Variants in SYT14 observed in about 807,000 individuals in gnomAD.
SYT14 encodes the protein synaptotagmin-14.
A neutral mutation model predicts 74.2 loss-of-function variants in SYT14; 32 were observed. The observed-to-expected ratio is 0.43, with a 90% CI of 0.33 to 0.58. The LOEUF is 0.58. Among genes scored for constraint, SYT14 ranks in the 20% least tolerant of loss-of-function variants. SYT14 has a pLI of 0.05. For synonymous variants in SYT14, 298 were observed against 337.7 expected, an observed-to-expected ratio of 0.88 and a Z score of 1.29; for missense variants, 791 against 981.8, an observed-to-expected ratio of 0.81 and a Z score of 2.60.
At chr1:209,966,228 A>G (rs1477411804) in intron 2 of SYT14, among the ~76,000 whole-genome samples, 1 of 152,112 alleles carries the variant, frequency 6.6e-6, no homozygotes, top group Non-Finnish European at 1.5e-5. Flanking sequence ...GCCAATACCA[A>G]AGTGTCTTTA....
chr1:209,942,902 A>G (rs1012688454), intron 1 of SYT14, among the ~76,000 whole-genome samples: 55 of 152,220 alleles, frequency 3.6e-4, no homozygotes, highest in African/African-American at 1.3e-3. Flanking sequence ...GTGAGAATCT[A>G]TGTGTGTGTT....
chr1:210,071,653 T>G (rs1006671096), intron 5 of SYT14, among the ~76,000 whole-genome samples: 3 of 152,024 alleles, frequency 2.0e-5, no homozygotes, highest in Admixed American at 1.3e-4. Flanking sequence ...ATTCCTGATT[T>G]TTTAAAAAGA....
intron 7 of SYT14, among the ~76,000 whole-genome samples, chr1:210,145,236 A>C (rs956272265): frequency 1.3e-5 from 2 of 152,208 alleles, no homozygotes; most frequent in Non-Finnish European, 2.9e-5. Context: ...CAAAGCAAGT[A>C]TTATCTCAAG....
intron 5 of SYT14, among the ~76,000 whole-genome samples, chr1:210,057,827 C>T (rs989993592): frequency 6.6e-6 from 1 of 152,160 alleles, no homozygotes; most frequent in African/African-American, 2.4e-5. Context: ...ACTCCTACTT[C>T]CCCATAGCCT....
intron 2 of SYT14, among the ~76,000 whole-genome samples, chr1:209,981,477 G>C (rs1273094016): frequency 1.6e-5 from 2 of 127,464 alleles, no homozygotes; most frequent in Non-Finnish European, 3.2e-5. Context: ...TTTGAGGCAG[G>C]ATCTCACTCT....
chr1:209,944,074 A>G (rs191475340), intron 1 of SYT14, among the ~76,000 whole-genome samples: 1 of 152,310 alleles, frequency 6.6e-6, no homozygotes, highest in East Asian at 1.9e-4. Context: ...TATTCAAGAT[A>G]TTATTTTGAG....
chr1:210,138,176 A>G (rs1319276606), intron 7 of SYT14, among the ~76,000 whole-genome samples: 1 of 152,222 alleles, frequency 6.6e-6, no homozygotes, highest in Non-Finnish European at 1.5e-5. Context: ...ATAGTTCCAC[A>G]TGACTGGGGA....
exon 5 of SYT14, chr1:210,021,199 C>T (rs2080295047): frequency 6.2e-7 from 1 of 1,613,886 alleles, no homozygotes. Context: ...GGCAGAAATA[C>T]AGTCCTCTAT....
intron 1 of SYT14, among the ~76,000 whole-genome samples, chr1:209,945,694 G>A (rs1356086399): frequency 6.6e-6 from 1 of 152,166 alleles, no homozygotes; most frequent in African/African-American, 2.4e-5. Flanking sequence ...AAATTGTGGT[G>A]ATTTAGGCTA....
At chr1:210,098,408 A>G (rs145493398) in intron 6 of SYT14, among the ~76,000 whole-genome samples, 1 of 152,144 alleles carries the variant, frequency 6.6e-6, no homozygotes, top group African/African-American at 2.4e-5. Flanking sequence ...GCTTTGCTCT[A>G]TGAGATTATT....
intron 2 of SYT14, among the ~76,000 whole-genome samples, chr1:209,963,840 A>G (rs187974859): frequency 6.6e-6 from 1 of 152,340 alleles, no homozygotes; most frequent in East Asian, 1.9e-4. Flanking sequence ...TTCTTTAAAC[A>G]TGTAAGTGTT....
chr1:209,964,490 T>A (rs184895569), intron 2 of SYT14, among the ~76,000 whole-genome samples: 1 of 152,240 alleles, frequency 6.6e-6, no homozygotes. Flanking sequence ...TGTTGCCTAG[T>A]AGAAAAGGGT....
At chr1:209,996,239 A>G (rs1466482654) in intron 2 of SYT14, among the ~76,000 whole-genome samples, 1 of 152,166 alleles carries the variant, frequency 6.6e-6, no homozygotes, top group East Asian at 1.9e-4. Flanking sequence ...TAGCTAGATT[A>G]ACAAATACAG....
In SYT14 at chr1:210,033,594, A is replaced by G. The variant is rs186910107; in HGVS notation, c.1312+12340A>G. Among the ~76,000 whole-genome samples, 9 of 151,940 alleles carry G rather than the reference A, an allele frequency of 5.9e-5. No homozygotes were observed. In the East Asian group the frequency reaches 1.7e-3, roughly 29 times the overall value. ...CTCATAAGGGTAAAGATTTTCCTAG[A>G]AGATCAGATTATATTTCAGTCTGAG... On this transcript the variant is annotated intron_variant, in intron 5 of 9. Coordinates refer to ENST00000637265, the Ensembl canonical transcript of SYT14.
chr1:210,093,113 C>CT (rs36065521), intron 5 of SYT14, among the ~76,000 whole-genome samples: 74 of 145,916 alleles, frequency 5.1e-4, no homozygotes, highest in African/African-American at 1.1e-3. Flanking sequence ...TTTAGTTTTT[C>CT]TTTTTTTTTT....
At chr1:210,109,604 AAAC>A (rs940772084) in intron 7 of SYT14, among the ~76,000 whole-genome samples, 1 of 151,876 alleles carries the variant, frequency 6.6e-6, no homozygotes, top group African/African-American at 2.4e-5. Flanking sequence ...AGAAAAAACA[AAAC>A]AACAACAACA....
At chr1:210,046,113 A>C (rs970623868) in intron 5 of SYT14, among the ~76,000 whole-genome samples, 1 of 152,262 alleles carries the variant, frequency 6.6e-6, no homozygotes, top group Admixed American at 6.5e-5. Flanking sequence ...GCTCACGCCT[A>C]TAATCCCAGC....
intron 1 of SYT14, among the ~76,000 whole-genome samples, chr1:209,950,126 A>T (rs1186216892): frequency 5.3e-5 from 8 of 152,156 alleles, no homozygotes; most frequent in Non-Finnish European, 8.8e-5. Flanking sequence ...TTTATATTAA[A>T]TACGGGGGAG....
chr1:210,089,665 T>G lies in SYT14; in HGVS notation c.1313-4657T>G, dbSNP rs140019012. ...ATCTCTAGTTATTTTCGTTTAGATT[T>G]CTATACATTTTCTAGCTATATTTTT... is the stretch of plus-strand genomic sequence containing the variant. On this transcript the variant is annotated intron_variant, in intron 5 of 9. Transcript: ENST00000637265. Among the ~76,000 whole-genome samples, 1,338 of 152,334 alleles carry G rather than the reference T, an allele frequency of 8.8e-3. 21 individuals are homozygous for G. The highest frequency in any genetic ancestry group is 0.03 in the African/African-American group (1,244 of 41,564).
Sources: gnomAD v4.1 joint callset for allele counts (sites outside exome capture counted in the v4.1 genomes callset) on GRCh38, gnomAD v4.1.1 for gene constraint, MANE v1.5 for transcripts, NCBI Gene and HGNC (gene_info 2026-07-23, HGNC 2026-07-21) for gene names.